Variants in AKAP9 observed in about 807,000 individuals in gnomAD.
The protein encoded by AKAP9 is A-kinase anchoring protein 9.
Under a neutral mutation model 488.5 loss-of-function variants are expected in AKAP9, and 311 were observed. The ratio of observed to expected loss-of-function variants is 0.64; its 90% CI spans 0.58 to 0.70. The LOEUF (loss-of-function observed/expected upper bound fraction) is 0.70, where lower values mean the gene tolerates loss of function less well. Among genes scored for constraint, AKAP9 ranks in the 30% least tolerant of loss-of-function variants. The probability of loss-of-function intolerance (pLI) is 0.00; values close to 1 mark genes in which losing one functional copy is unlikely to be tolerated. For synonymous variants in AKAP9, 1,462 were observed against 1,483.5 expected (o/e 0.99, Z 0.33); for missense variants, 4,215 against 4,374.5 (o/e 0.96, Z 1.03).
chr7:92,040,527 A>G (rs1231406767), intron 17 of AKAP9, 147 bp from the exon 18 acceptor site: 4 of 616,676 alleles, frequency 6.5e-6, no homozygotes, highest in South Asian at 2.3e-5. Flanking sequence ...TTTAAAAATT[A>G]TGTTTTTGTT....
chr7:91,992,353 T>C (rs1485231057), intron 4 of AKAP9, 142 bp downstream of exon 4: 2 of 750,048 alleles, frequency 2.7e-6, no homozygotes, highest in Non-Finnish European at 4.7e-6. Context: ...AACAAAGTTA[T>C]CTACCATTTA....
chr7:91,956,400 A>C (rs1318336036), intron 1 of AKAP9, among the ~76,000 whole-genome samples: 1 of 46,306 alleles, frequency 2.2e-5, no homozygotes, highest in East Asian at 3.1e-4. Flanking sequence ...ACTCTGTCTC[A>C]AAAAAAAAAA....
chr7:91,964,527 A>G (rs924737139), intron 1 of AKAP9, among the ~76,000 whole-genome samples: 1 of 152,186 alleles, frequency 6.6e-6, no homozygotes, highest in Non-Finnish European at 1.5e-5. Context: ...TGCCTACCCT[A>G]AAAACTCAGA....
At chr7:92,038,273 A>G (rs899329401) in intron 16 of AKAP9, 146 bp from the exon 17 acceptor site, 20 of 565,234 alleles carry the variant, frequency 3.5e-5, no homozygotes, top group Non-Finnish European at 5.8e-5. Context: ...CCATCTCGGT[A>G]TTACTTTATT....
chr7:92,081,448 A>T (rs1002624258), intron 31 of AKAP9, among the ~76,000 whole-genome samples: 1 of 148,318 alleles, frequency 6.7e-6, no homozygotes, highest in African/African-American at 2.5e-5. Flanking sequence ...GGGATTACAG[A>T]CACGCACCAC....
At chr7:91,986,211 G>A (rs1214524286) in intron 3 of AKAP9, among the ~76,000 whole-genome samples, 1 of 152,208 alleles carries the variant, frequency 6.6e-6, no homozygotes, top group Non-Finnish European at 1.5e-5. Flanking sequence ...GCCAGGCACG[G>A]GAGAGAATCT....
chr7:91,942,493 C>T (rs1790896818), intron 1 of AKAP9, among the ~76,000 whole-genome samples: 1 of 152,176 alleles, frequency 6.6e-6, no homozygotes, highest in Non-Finnish European at 1.5e-5. Context: ...CTTGTGCAAT[C>T]TGAGGGGCTG....
At chr7:92,071,129 T>G in intron 28 of AKAP9, 120 bp downstream of exon 28, 1 of 927,746 alleles carries the variant, frequency 1.1e-6, no homozygotes, top group South Asian at 1.4e-5. Context: ...AGGCTGTTTC[T>G]CAGCTCAATG....
At chr7:92,083,977 A>C (rs1051459174) in intron 33 of AKAP9, among the ~76,000 whole-genome samples, 2 of 152,024 alleles carry the variant, frequency 1.3e-5, no homozygotes, top group Non-Finnish European at 2.9e-5. Flanking sequence ...TCCCTCCCCT[A>C]GCACCTCACC....
intron 49 of AKAP9, chr7:92,108,981 T>C (rs1818952211): frequency 7.6e-6 from 3 of 397,106 alleles, no homozygotes; most frequent in African/African-American, 4.1e-5. Context: ...AAGTAGCGCA[T>C]GGCAGAAAGT....
chr7:92,051,590 G>A (rs1807987890), intron 21 of AKAP9, among the ~76,000 whole-genome samples: 1 of 152,138 alleles, frequency 6.6e-6, no homozygotes, highest in Admixed American at 6.5e-5. Context: ...AGTGAATATT[G>A]AATTGTGCTG....
rs1433801008 is a variant in AKAP9 at position 92,001,986 on chromosome 7, C to G, written c.2069C>G (p.Thr690Ser). 6.2e-7 allele frequency: 1 copy of G among 1,612,534 alleles called. No homozygotes were observed. The highest frequency in any genetic ancestry group is 8.5e-7 in the Non-Finnish European group (1 of 1,179,540). ...CAGTTTGAAAAGGACAATTTGATAACTAAGCAGAATCAATTAATTTTGGAA... is the reference window on the plus strand; with the variant it reads ...CAGTTTGAAAAGGACAATTTGATAAGTAAGCAGAATCAATTAATTTTGGAA... ...TMQFEKDNLI[T>S]KQNQLILEIS... is the part of the protein sequence containing the mutation. Residue 690 changes from threonine (T) to serine (S), a missense_variant, in exon 8 of 50, where the codon ACT becomes AGT. Transcript: ENST00000356239.
chr7:92,098,847 G>T (rs1028009419), intron 43 of AKAP9, among the ~76,000 whole-genome samples: 20 of 152,160 alleles, frequency 1.3e-4, no homozygotes, highest in African/African-American at 4.3e-4. Context: ...GAGATACAGT[G>T]AACAAATCTG....
chr7:92,097,945 A>G (rs1266157863), intron 42 of AKAP9, 151 bp downstream of exon 42: 5 of 926,352 alleles, frequency 5.4e-6, no homozygotes, highest in East Asian at 2.6e-5. Flanking sequence ...ACAGAACTCA[A>G]ATGTCTGAAA....
At chr7:92,053,046 A>G in intron 22 of AKAP9, 88 bp downstream of exon 22, 5 of 1,128,530 alleles carry the variant, frequency 4.4e-6, no homozygotes, top group Non-Finnish European at 6.6e-6. Flanking sequence ...TGATATTTTC[A>G]TGGATAGCTG....
intron 16 of AKAP9, among the ~76,000 whole-genome samples, chr7:92,033,254 A>G (rs191092404): frequency 6.6e-6 from 1 of 152,208 alleles, no homozygotes; most frequent in East Asian, 1.9e-4. Context: ...GTATTTAAAA[A>G]AAAAAGACTC....
At position 92,089,483 on chromosome 7, in the gene AKAP9, G is replaced by A; in HGVS notation, c.9312G>A (p.Arg3104=). The stretch of plus-strand genomic sequence containing the variant: ...CACTGCATGCACAAATGAATGGTAG[G>A]AAAATTACTCTGAAAAGAGAACAAG... ...IQALHAQMNG[R]KITLKREQES... The change falls in exon 38 of 50, where the codon AGG becomes AGA. Residue 3104 remains arginine (R), a synonymous_variant. Coordinates refer to ENST00000356239, the MANE Select transcript of AKAP9 (RefSeq NM_005751.5). 1 of 1,613,452 alleles carries A rather than the reference G, an allele frequency of 6.2e-7. No homozygotes were observed. Among genetic ancestry groups the A allele is most frequent in the Non-Finnish European group, 8.5e-7 (1 of 1,179,720 alleles).
At chr7:92,090,653 A>G (rs1173353512) in intron 38 of AKAP9, 1 of 151,484 alleles carries the variant, frequency 6.6e-6, no homozygotes, top group East Asian at 1.9e-4. Flanking sequence ...AATTTCCTGT[A>G]TAGATACTCC....
chr7:92,068,365 C>CAA (rs77237109), intron 26 of AKAP9, among the ~76,000 whole-genome samples: 224 of 45,640 alleles, frequency 4.9e-3, no homozygotes, highest in Non-Finnish European at 5.7e-3. Context: ...GACTCCGTCT[C>CAA]AAAAAAAAAA....
Sources: allele counts gnomAD v4.1 joint callset (sites outside exome capture counted in the v4.1 genomes callset), GRCh38; gene constraint gnomAD v4.1.1; transcripts MANE v1.5; gene names NCBI Gene and HGNC (gene_info 2026-07-23, HGNC 2026-07-21).